Variants in EIF3H observed in about 807,000 individuals in gnomAD.
EIF3H encodes the protein eukaryotic translation initiation factor 3 subunit H, also known as eIF-3-gamma.
Under a neutral mutation model 44.2 loss-of-function variants are expected in EIF3H, and 26 were observed. The observed-to-expected ratio is 0.59, with a 90% CI of 0.43 to 0.82. The LOEUF (loss-of-function observed/expected upper bound fraction) is 0.82. Among genes scored for constraint, EIF3H ranks in the 40% least tolerant of loss-of-function variants. EIF3H has a pLI of 0.00. For synonymous variants in EIF3H, 166 were observed against 151.9 expected (o/e 1.09, Z -0.68); for missense variants, 359 against 432.8 (o/e 0.83, Z 1.51).
At chr8:116,762,665 G>A in intron 1 of EIF3H, among the ~76,000 whole-genome samples, 1 of 152,184 alleles carries the variant, frequency 6.6e-6, no homozygotes, top group Non-Finnish European at 1.5e-5. Flanking sequence ...TGGCTGCTGT[G>A]GCTCACGCCT....
chr8:116,762,539 T>C (rs1341767606), intron 1 of EIF3H, among the ~76,000 whole-genome samples: 1 of 152,196 alleles, frequency 6.6e-6, no homozygotes, highest in African/African-American at 2.4e-5. Context: ...CCAAGCTAAG[T>C]TGACTTCCTT....
At chr8:116,759,724 T>TGTGCGC (rs971974107), upstream of EIF3H, among the ~76,000 whole-genome samples, 18 of 152,200 alleles carry the variant, frequency 1.2e-4, no homozygotes, top group Admixed American at 7.9e-4. Context: ...TGTGTGTGCG[T>TGTGCGC]GTGCGCGCGC....
upstream of EIF3H, chr8:116,755,863 G>A (rs1276076462): frequency 3.8e-6 from 6 of 1,595,548 alleles, no homozygotes; most frequent in African/African-American, 1.3e-5. Flanking sequence ...AGTCTCGCGT[G>A]ACGTCACTCG....
chr8:116,734,036 T>C (rs983857536), intron 1 of EIF3H, among the ~76,000 whole-genome samples: 1 of 152,178 alleles, frequency 6.6e-6, no homozygotes, highest in Admixed American at 6.5e-5. Context: ...ACACTAATCA[T>C]GTAGCATCTG....
intron 2 of EIF3H, among the ~76,000 whole-genome samples, chr8:116,676,713 G>A (rs933209823): frequency 3.3e-5 from 5 of 152,184 alleles, no homozygotes; most frequent in Admixed American, 2.6e-4. Context: ...TTAAACATAC[G>A]ATGTTCATCC....
At chr8:116,724,067 G>A (rs1041361661) in intron 2 of EIF3H, among the ~76,000 whole-genome samples, 6 of 152,150 alleles carry the variant, frequency 3.9e-5, no homozygotes, top group Non-Finnish European at 8.8e-5. Flanking sequence ...CAAAGCTGGA[G>A]TAATCCAAAA....
chr8:116,765,547 A>G (rs919358803), exon 1 of EIF3H: 4 of 152,204 alleles, frequency 2.6e-5, no homozygotes, highest in African/African-American at 9.6e-5. Flanking sequence ...TAGCCACGGG[A>G]GAACTTGAAA....
intron 1 of EIF3H, chr8:116,737,404 C>T (rs140283642): frequency 0.018 from 6,955 of 380,796 alleles, 130 homozygotes; most frequent in South Asian, 0.051. Context: ...GCCTGTAATC[C>T]CAGCACTCTG....
At chr8:116,674,345 T>G (rs1813812057) in intron 2 of EIF3H, among the ~76,000 whole-genome samples, 1 of 147,360 alleles carries the variant, frequency 6.8e-6, no homozygotes, top group Non-Finnish European at 1.5e-5. Flanking sequence ...GGGGAAGGGA[T>G]TCTAAAGCAG....
At chr8:116,720,471 T>C (rs1814725536) in intron 2 of EIF3H, among the ~76,000 whole-genome samples, 2 of 152,226 alleles carry the variant, frequency 1.3e-5, no homozygotes, top group African/African-American at 4.8e-5. Flanking sequence ...TCTCTTTTTC[T>C]TCAAAAATTG....
intron 2 of EIF3H, among the ~76,000 whole-genome samples, chr8:116,671,512 T>C (rs1408051633): frequency 6.6e-6 from 1 of 152,238 alleles, no homozygotes. Flanking sequence ...TTTCTCCTTA[T>C]ATTTTGGGGG....
chr8:116,649,914 C>G (rs1256455224), intron 5 of EIF3H, among the ~76,000 whole-genome samples: 1 of 151,942 alleles, frequency 6.6e-6, no homozygotes, highest in Non-Finnish European at 1.5e-5. Context: ...ATATTGTAGG[C>G]AAAAGAAAAT....
At chr8:116,703,667 A>G (rs1814418615) in intron 2 of EIF3H, among the ~76,000 whole-genome samples, 1 of 152,236 alleles carries the variant, frequency 6.6e-6, no homozygotes. Flanking sequence ...TCCGGTGGAC[A>G]CATGGCTTGT....
intron 1 of EIF3H, among the ~76,000 whole-genome samples, chr8:116,727,251 AC>A (rs1431200290): frequency 6.6e-6 from 1 of 152,194 alleles, no homozygotes; most frequent in Non-Finnish European, 1.5e-5. Context: ...TGTCAGCTAA[AC>A]CTGCTCCCGC....
At chr8:116,752,618 T>C (rs1464748602) in intron 1 of EIF3H, among the ~76,000 whole-genome samples, 2 of 147,076 alleles carry the variant, frequency 1.4e-5, no homozygotes, top group Non-Finnish European at 1.5e-5. Flanking sequence ...TTGGCTAGTA[T>C]GTAATATTGC....
intron 1 of EIF3H, among the ~76,000 whole-genome samples, chr8:116,736,383 C>T (rs1333734256): frequency 2.0e-5 from 3 of 152,160 alleles, no homozygotes; most frequent in African/African-American, 7.2e-5. Context: ...GTGGAATTGC[C>T]AGGCGCGGTG....
At position 116,658,844 on chromosome 8, in the gene EIF3H, A is replaced by G; in HGVS notation, c.426T>C (p.His142=). 6.2e-7 allele frequency: 1 copy of G among 1,613,834 alleles called. No individual in the cohort carries two copies. Among genetic ancestry groups the G allele is most frequent in the African/African-American group, 1.3e-5 (1 of 75,040 alleles). ...ALLDSQFSYQ[H]AIEESVVLIY... ...TGAGAACGACAGATTCTTCAATGGC[A>G]TGCTGGTAACTAAACTGAGAGTCCA... is the stretch of plus-strand genomic sequence containing the variant. The change falls in exon 3 of 8, where the codon CAT becomes CAC. Residue 142 remains histidine, a synonymous_variant. Transcript: ENST00000521861.
intron 2 of EIF3H, among the ~76,000 whole-genome samples, chr8:116,665,445 G>T (rs1178665483): frequency 6.6e-6 from 1 of 152,026 alleles, no homozygotes. Context: ...ACCTATACAG[G>T]TATATAGATG....
chr8:116,726,703 A>G (rs921067348), intron 1 of EIF3H, among the ~76,000 whole-genome samples: 1 of 152,130 alleles, frequency 6.6e-6, no homozygotes, highest in Non-Finnish European at 1.5e-5. Flanking sequence ...TCCAACAACA[A>G]TCTGGTTGGT....
Sources: gnomAD v4.1 joint callset for allele counts (sites outside exome capture counted in the v4.1 genomes callset) on GRCh38, gnomAD v4.1.1 for gene constraint, MANE v1.5 for transcripts, NCBI Gene and HGNC (gene_info 2026-07-23, HGNC 2026-07-21) for gene names.